The following PCDHA10 variants were observed in gnomAD, a reference collection of about 807,000 sequenced individuals.
PCDHA10 encodes the protein protocadherin alpha 10.
A neutral mutation model predicts 61.2 loss-of-function variants in PCDHA10; 45 were observed. The observed-to-expected ratio is 0.74, with a 90% CI of 0.58 to 0.94. PCDHA10 has a LOEUF of 0.94. Ranked by LOEUF, PCDHA10 falls within the 40% of genes least tolerant of loss-of-function variation. The probability of loss-of-function intolerance (pLI) is 0.00; values close to 1 mark genes in which losing one functional copy is unlikely to be tolerated. For missense variants in PCDHA10, 1,278 were observed against 1,236.2 expected, an observed-to-expected ratio of 1.03 and a Z score of -0.51; for synonymous variants, 602 against 548.8, an observed-to-expected ratio of 1.10 and a Z score of -1.35.
chr5:140,880,970 C>A (rs2058546777), intron 1 of PCDHA10, among the ~76,000 whole-genome samples: 1 of 152,070 alleles, frequency 6.6e-6, no homozygotes, highest in South Asian at 2.1e-4. Context: ...TAAGAGAATA[C>A]CAAATACTCT....
At chr5:140,944,846 G>A (rs269554) in intron 1 of PCDHA10, among the ~76,000 whole-genome samples, 33,882 of 151,952 alleles carry the variant, frequency 0.22, 4,860 homozygotes, top group African/African-American at 0.41. Context: ...TGAGATATTA[G>A]AATCATCCTT....
At chr5:140,881,323 T>C in intron 1 of PCDHA10, 1 of 984,214 alleles carries the variant, frequency 1.0e-6, no homozygotes, top group South Asian at 4.7e-5. Flanking sequence ...AAATTCTATT[T>C]AACCAGGACG....
chr5:140,902,197 C>T (rs868992860), intron 1 of PCDHA10, among the ~76,000 whole-genome samples: 1 of 143,684 alleles, frequency 7.0e-6, no homozygotes, highest in African/African-American at 2.6e-5. Context: ...CTCTCTCTCT[C>T]TCTTTCTTTT....
intron 1 of PCDHA10, chr5:140,864,603 C>A (rs1230930036): frequency 3.3e-5 from 5 of 152,210 alleles, no homozygotes; most frequent in Non-Finnish European, 7.3e-5. Flanking sequence ...AGATAGCCAA[C>A]AACTTTGTTC....
At chr5:140,881,224 A>G (rs1254771945) in intron 1 of PCDHA10, 1 of 264,386 alleles carries the variant, frequency 3.8e-6, no homozygotes, top group Non-Finnish European at 5.9e-6. Context: ...TTCTTGGAAA[A>G]TTAAAGTCAA....
At chr5:140,931,260 T>G (rs576177407) in intron 1 of PCDHA10, among the ~76,000 whole-genome samples, 1 of 152,156 alleles carries the variant, frequency 6.6e-6, no homozygotes, top group South Asian at 2.1e-4. Context: ...GAAATTTCAC[T>G]ATTTATTTCT....
intron 1 of PCDHA10, among the ~76,000 whole-genome samples, chr5:140,934,142 T>C (rs1359446492): frequency 1.3e-5 from 2 of 152,170 alleles, no homozygotes; most frequent in African/African-American, 4.8e-5. Context: ...TTTCCTTCCT[T>C]ATATGTTTAT....
intron 3 of PCDHA10, among the ~76,000 whole-genome samples, chr5:141,002,367 A>T (rs2098076282): frequency 6.6e-6 from 1 of 152,248 alleles, no homozygotes; most frequent in African/African-American, 2.4e-5. Context: ...CTTTCAACTC[A>T]TTCTGGCTTA....
chr5:140,884,764 T>C (rs2060348326), intron 1 of PCDHA10: 1 of 1,417,012 alleles, frequency 7.1e-7, no homozygotes, highest in Non-Finnish European at 9.3e-7. Flanking sequence ...TATTCTTTAC[T>C]TTAATTTTAA....
At chr5:140,986,946 G>A (rs544796668) in intron 3 of PCDHA10, among the ~76,000 whole-genome samples, 9 of 152,230 alleles carry the variant, frequency 5.9e-5, no homozygotes, top group South Asian at 2.1e-4. Context: ...GGGTGTGGTC[G>A]CTCATGCCTG....
intron 1 of PCDHA10, among the ~76,000 whole-genome samples, chr5:140,902,974 AGGTT>A (rs2069912537): frequency 6.6e-6 from 1 of 152,178 alleles, no homozygotes. Context: ...ATGGGCATTT[AGGTT>A]GGTTCCATAT....
chr5:140,899,267 G>C lies in PCDHA10; in HGVS notation c.2388+40831G>C, dbSNP rs1397421903. Among the ~76,000 whole-genome samples, 367 of 152,064 alleles carry C rather than the reference G, an allele frequency of 2.4e-3. 2 individuals carry two copies. The highest frequency in any genetic ancestry group is 8.5e-3 in the African/African-American group (354 of 41,454). On this transcript the variant is annotated intron_variant, in intron 1 of 3. Coordinates refer to ENST00000307360, the MANE Select transcript of PCDHA10 (RefSeq NM_018901.4). ...TGAGAGAGGGCATCCCTGTCTTGTGGCAGTTTTCAAAGGGAATACTTCCAG... is the reference window on the plus strand; with the variant it reads ...TGAGAGAGGGCATCCCTGTCTTGTGCCAGTTTTCAAAGGGAATACTTCCAG...
At chr5:140,928,809 G>A (rs1563109634) in intron 1 of PCDHA10, 2 of 1,614,078 alleles carry the variant, frequency 1.2e-6, no homozygotes, top group African/African-American at 2.7e-5. Flanking sequence ...TAGTGGTTCG[G>A]GACCATGGAG....
At chr5:140,959,883 C>T (rs535578218) in intron 1 of PCDHA10, among the ~76,000 whole-genome samples, 4 of 152,222 alleles carry the variant, frequency 2.6e-5, no homozygotes, top group South Asian at 2.1e-4. Flanking sequence ...AAGGAATACA[C>T]GAGTGGGATT....
intron 1 of PCDHA10, chr5:140,968,133 A>G (rs782213191): frequency 1.5e-5 from 24 of 1,614,022 alleles, no homozygotes; most frequent in Middle Eastern, 3.3e-4. Flanking sequence ...CGTACACTGA[A>G]GGTTGAGATC....
Position 140,869,318 on chromosome 5 carries a change from G to C in PCDHA10, c.2388+10882G>C, listed in dbSNP as rs1373742506. ...TTCCGGGTGGCGTCCAAAACACATG[G>C]GGACCTTCTGGAGGTAAATCTGCAG... On this transcript the variant is annotated intron_variant, in intron 1 of 3. Coordinates refer to ENST00000307360, the MANE Select transcript of PCDHA10 (RefSeq NM_018901.4). 3 of 1,613,688 alleles carry C rather than the reference G, an allele frequency of 1.9e-6. No individual in the cohort carries two copies. Among genetic ancestry groups the C allele is most frequent in the Non-Finnish European group, 2.5e-6 (3 of 1,180,020 alleles).
intron 2 of PCDHA10, among the ~76,000 whole-genome samples, chr5:140,982,032 C>G (rs1554243678): frequency 1.3e-5 from 2 of 152,162 alleles, no homozygotes; most frequent in Non-Finnish European, 2.9e-5. Flanking sequence ...GAACAATACT[C>G]CAATTATCAG....
At chr5:140,988,556 C>A (rs574182013) in intron 3 of PCDHA10, among the ~76,000 whole-genome samples, 1 of 152,158 alleles carries the variant, frequency 6.6e-6, no homozygotes, top group South Asian at 2.1e-4. Flanking sequence ...TCTTCATCTT[C>A]TTCTTGGGAA....
At chr5:140,866,739 C>T (rs1198771092) in intron 1 of PCDHA10, 5 of 152,124 alleles carry the variant, frequency 3.3e-5, no homozygotes, top group African/African-American at 4.8e-5. Context: ...CACTCTAATA[C>T]TTATATGACT....
Sources: allele counts gnomAD v4.1 joint callset (sites outside exome capture counted in the v4.1 genomes callset), GRCh38; gene constraint gnomAD v4.1.1; transcripts MANE v1.5; gene names NCBI Gene and HGNC (gene_info 2026-07-23, HGNC 2026-07-21).